Variants in TARS3 observed in about 807,000 individuals in gnomAD.
TARS3 encodes threonyl-tRNA synthetase 3.
Under a neutral mutation model 103.5 loss-of-function variants are expected in TARS3, and 94 were observed. The ratio of observed to expected loss-of-function variants is 0.91; its 90% CI spans 0.77 to 1.08. The LOEUF (loss-of-function observed/expected upper bound fraction) is 1.08. Ranked by LOEUF, TARS3 falls within the 50% of genes least tolerant of loss-of-function variation. TARS3 has a pLI of 0.00. For missense variants in TARS3, 952 were observed against 995.2 expected (o/e 0.96, Z 0.58); for synonymous variants, 416 against 355.4 (o/e 1.17, Z -1.92).
rs752435908 is a variant in TARS3, at chr15:101,671,580, T to A, written c.1873A>T (p.Ile625Leu). ...CTGCCAATAGCATCCTTGATTTTTA[T>A]GTCAATCTACAAATTAAATAATGTT... ...DGAFYGPKID[I>L]KIKDAIGRYH... Residue 625 changes from isoleucine to leucine, a missense_variant, in exon 15 of 19, where the codon ATA becomes TTA. Coordinates refer to ENST00000335968, the MANE Select transcript of TARS3 (RefSeq NM_152334.3). 1 of 1,611,024 alleles carries A rather than the reference T, an allele frequency of 6.2e-7. No homozygotes were observed. The highest frequency in any genetic ancestry group is 1.3e-5 in the African/African-American group (1 of 75,044).
rs748151280 is a variant in TARS3, at chr15:101,699,419, C to G, written c.1320+1667G>C. 8.6e-5 allele frequency: 39 copies of G among 455,888 alleles called. 1 individual carries two copies. The highest frequency in any genetic ancestry group is 1.5e-4 in the South Asian group (10 of 64,558). 28.2% of individuals were successfully genotyped at this position (455,888 alleles called of 1,614,324 possible). On this transcript the variant is annotated intron_variant, in intron 10 of 18. Coordinates refer to ENST00000335968, the MANE Select transcript of TARS3 (RefSeq NM_152334.3). The stretch of plus-strand genomic sequence containing the variant: ...ATCAGGCCCTGCTCCTGTTCATCAG[C>G]CACATCTGTCTTGCATCTATAAAAA...
At chr15:101,689,520 G>T (rs1022700078) in intron 10 of TARS3, among the ~76,000 whole-genome samples, 3 of 152,090 alleles carry the variant, frequency 2.0e-5, no homozygotes, top group Admixed American at 2.0e-4. Context: ...TTTATAAAAA[G>T]GAGAAATCTG....
intron 10 of TARS3, among the ~76,000 whole-genome samples, chr15:101,692,704 G>A (rs1898780837): frequency 1.3e-5 from 2 of 152,212 alleles, no homozygotes; most frequent in Non-Finnish European, 1.5e-5. Context: ...AGTGATGGAG[G>A]GGAAGGGATT....
At chr15:101,675,301 G>A (rs189916522) in intron 13 of TARS3, among the ~76,000 whole-genome samples, 11 of 152,268 alleles carry the variant, frequency 7.2e-5, no homozygotes, top group African/African-American at 1.9e-4. Flanking sequence ...CACACAAACC[G>A]AGAGTTACAG....
intron 7 of TARS3, among the ~76,000 whole-genome samples, chr15:101,704,929 C>G (rs757704501): frequency 1.3e-5 from 2 of 152,004 alleles, no homozygotes; most frequent in African/African-American, 4.8e-5. Context: ...ACAATTAAAC[C>G]AGAGAACCAT....
intron 16 of TARS3, 114 bp downstream of exon 16, chr15:101,661,597 TC>T (rs1480906110): frequency 1.1e-5 from 7 of 649,628 alleles, no homozygotes; most frequent in African/African-American, 3.8e-5. Flanking sequence ...ACTACTTTTT[TC>T]TTTTACACAT....
chr15:101,664,324 G>T (rs1897495384), intron 15 of TARS3: 1 of 152,176 alleles, frequency 6.6e-6, no homozygotes, highest in Non-Finnish European at 1.5e-5. Flanking sequence ...CAATTTTGTT[G>T]TAGGACTGAT....
At chr15:101,656,380 C>CAA (rs1897199435) in intron 18 of TARS3, among the ~76,000 whole-genome samples, 1 of 152,204 alleles carries the variant, frequency 6.6e-6, no homozygotes, top group Non-Finnish European at 1.5e-5. Flanking sequence ...CAATACTGTG[C>CAA]CTGCAGTTAT....
intron 10 of TARS3, among the ~76,000 whole-genome samples, chr15:101,696,507 T>C (rs961177238): frequency 6.6e-6 from 1 of 152,126 alleles, no homozygotes; most frequent in African/African-American, 2.4e-5. Context: ...ACAGTAATGA[T>C]GAAATGGCAG....
intron 13 of TARS3, among the ~76,000 whole-genome samples, chr15:101,674,590 A>T (rs1278867442): frequency 6.6e-6 from 1 of 152,054 alleles, no homozygotes; most frequent in Non-Finnish European, 1.5e-5. Flanking sequence ...GAGGATCAGG[A>T]GGTCAGGAGA....
intron 10 of TARS3, among the ~76,000 whole-genome samples, chr15:101,688,027 C>T (rs1349193431): frequency 6.6e-6 from 1 of 152,054 alleles, no homozygotes; most frequent in Non-Finnish European, 1.5e-5. Flanking sequence ...TTTGTTATAG[C>T]AGCACAAACT....
At chr15:101,699,253 A>G (rs1380890539) in intron 10 of TARS3, 2 of 300,244 alleles carry the variant, frequency 6.7e-6, no homozygotes, top group Admixed American at 9.3e-5. Context: ...CCAGAAATGC[A>G]AAGTTCTCAG....
rs764985017 is a variant in TARS3 at position 101,714,924 on chromosome 15, AT to A, written c.605del (p.Asn202MetfsTer17). On this transcript the variant is annotated frameshift_variant, in exon 4 of 19. Coordinates refer to ENST00000335968, the MANE Select transcript of TARS3 (RefSeq NM_152334.3). LOFTEE classifies it high-confidence loss of function. ...LAESTVIAKV[N>X]GELWDLDRPL... ...GGCGGTCCAGGTCCCACAGTTCACC[AT>A]TGACTTTGGCTATTACCGTGCTTTC... The A allele has an allele frequency of 2.5e-6, 4 of 1,612,128 alleles. No individual in the cohort carries two copies. The East Asian group carries it at 8.9e-5, about 36-fold the overall frequency.
chr15:101,659,910 A>C (rs1897315368), intron 16 of TARS3, among the ~76,000 whole-genome samples: 1 of 152,198 alleles, frequency 6.6e-6, no homozygotes, highest in Non-Finnish European at 1.5e-5. Flanking sequence ...TTTGTTTGGG[A>C]AACTTTCCAC....
At chr15:101,685,213 A>G (rs7171560) in intron 11 of TARS3, among the ~76,000 whole-genome samples, 106,169 of 152,058 alleles carry the variant, frequency 0.7, 37,631 homozygotes, top group East Asian at 0.95. Flanking sequence ...CAAAAACTAC[A>G]ATTGTTGGGA....
At position 101,681,542 on chromosome 15, in the gene TARS3, C is replaced by T. The variant is rs191776137; in HGVS notation, c.1650+2533G>A. On this transcript the variant is annotated intron_variant, in intron 12 of 18. Coordinates refer to ENST00000335968, the MANE Select transcript of TARS3 (RefSeq NM_152334.3). ...GAACAAAAATCCATAGGCTGTGTGG[C>T]TTAAATAAGAATCATTTATTCTTCA... 3.5e-3 allele frequency among the ~76,000 whole-genome samples: 533 copies of T among 152,322 alleles called. 2 individuals carry two copies. Among genetic ancestry groups the T allele is most frequent in the Non-Finnish European group, 6.2e-3 (424 of 68,026 alleles).
intron 4 of TARS3, among the ~76,000 whole-genome samples, chr15:101,713,096 C>T (rs1899944503): frequency 6.6e-6 from 1 of 152,170 alleles, no homozygotes; most frequent in Non-Finnish European, 1.5e-5. Flanking sequence ...CAGACATAGT[C>T]ACAGCCCCCA....
chr15:101,690,214 C>T (rs1455023263), intron 10 of TARS3, among the ~76,000 whole-genome samples: 1 of 152,208 alleles, frequency 6.6e-6, no homozygotes, highest in Non-Finnish European at 1.5e-5. Context: ...CATCTTGGCC[C>T]ATTTTCCTTC....
chr15:101,659,197 G>A (rs1012108878), intron 16 of TARS3, among the ~76,000 whole-genome samples: 1 of 152,216 alleles, frequency 6.6e-6, no homozygotes, highest in Admixed American at 6.5e-5. Flanking sequence ...TCCGCTGTGG[G>A]ACATGTTTGC....
Sources: gnomAD v4.1 joint callset for allele counts (sites outside exome capture counted in the v4.1 genomes callset) on GRCh38, gnomAD v4.1.1 for gene constraint, MANE v1.5 for transcripts, NCBI Gene and HGNC (gene_info 2026-07-23, HGNC 2026-07-21) for gene names.